Variants in TRDN observed in about 807,000 individuals in gnomAD.
TRDN encodes triadin in skeletal muscle.
A neutral mutation model predicts 149.7 loss-of-function variants in TRDN; 161 were observed. That is an observed-to-expected ratio of 1.08 (90% CI 0.95 to 1.23). The LOEUF (loss-of-function observed/expected upper bound fraction) is 1.23, where lower values mean the gene tolerates loss of function less well. Among genes scored for constraint, TRDN ranks in the 50% most tolerant of loss-of-function variants. The pLI is 0.00. For missense variants in TRDN, 896 were observed against 823.5 expected (o/e 1.09, Z -1.08); for synonymous variants, 294 against 250.5 (o/e 1.17, Z -1.64).
At chr6:123,495,900 A>T (rs1778423922) in intron 9 of TRDN, among the ~76,000 whole-genome samples, 1 of 151,940 alleles carries the variant, frequency 6.6e-6, no homozygotes, top group East Asian at 1.9e-4. Flanking sequence ...AAGACCTAAT[A>T]CTAGAAAAGG....
chr6:123,592,588 G>GA (rs137897412), intron 1 of TRDN, among the ~76,000 whole-genome samples: 1,759 of 152,068 alleles, frequency 0.012, 30 homozygotes, highest in African/African-American at 0.04. Flanking sequence ...ATTTTACTGG[G>GA]AAAAAAATGA....
At chr6:123,601,743 G>C (rs1784290650) in intron 1 of TRDN, among the ~76,000 whole-genome samples, 1 of 152,110 alleles carries the variant, frequency 6.6e-6, no homozygotes, top group African/African-American at 2.4e-5. Flanking sequence ...AAGCTGGCAG[G>C]TAACAAAAGA....
At chr6:123,299,432 A>G (rs1159389684) in intron 24 of TRDN, among the ~76,000 whole-genome samples, 1 of 152,072 alleles carries the variant, frequency 6.6e-6, no homozygotes, top group East Asian at 1.9e-4. Context: ...AAATGAGAAT[A>G]GAAGAGATGG....
chr6:123,496,021 C>A (rs1230728090), intron 9 of TRDN, among the ~76,000 whole-genome samples: 3 of 147,386 alleles, frequency 2.0e-5, no homozygotes, highest in African/African-American at 5.0e-5. Context: ...TATACACAAA[C>A]ATCGATATTA....
At chr6:123,483,294 G>A (rs971298062) in intron 9 of TRDN, among the ~76,000 whole-genome samples, 1 of 151,404 alleles carries the variant, frequency 6.6e-6, no homozygotes, top group East Asian at 2.0e-4. Context: ...AGTAGAGACG[G>A]GGTTTCACCG....
At chr6:123,456,523 C>T (rs1776131735) in intron 10 of TRDN, among the ~76,000 whole-genome samples, 1 of 151,768 alleles carries the variant, frequency 6.6e-6, no homozygotes, top group African/African-American at 2.4e-5. Context: ...GGCTAGAGTG[C>T]AGTCGTGGGA....
At chr6:123,378,022 T>C (rs921528692) in intron 16 of TRDN, 124 bp from the exon 17 acceptor site, 1 of 606,552 alleles carries the variant, frequency 1.6e-6, no homozygotes, top group East Asian at 2.9e-5. Flanking sequence ...CAACTAATAA[T>C]GGCTTACATA....
intron 7 of TRDN, among the ~76,000 whole-genome samples, chr6:123,508,753 C>G (rs1271793064): frequency 6.6e-6 from 1 of 152,112 alleles, no homozygotes; most frequent in Non-Finnish European, 1.5e-5. Context: ...AAGCAGTATG[C>G]AACAGAGCAA....
At chr6:123,384,617 GC>G (rs1781839588) in intron 14 of TRDN, among the ~76,000 whole-genome samples, 1 of 152,068 alleles carries the variant, frequency 6.6e-6, no homozygotes, top group East Asian at 1.9e-4. Context: ...ATTTTAATCT[GC>G]CTTTCTATTT....
rs1300040362 is a variant in TRDN, at chr6:123,473,288, A to G, written c.854-8305T>C. Among the ~76,000 whole-genome samples the G allele has an allele frequency of 3.2e-3, 491 of 152,230 alleles. 22 individuals carry two copies. The East Asian group carries it at 0.088, about 27-fold the overall frequency. On this transcript the variant is annotated intron_variant, in intron 9 of 40. Transcript: ENST00000334268. ...CTGAAAACCAAGGCTTGAGAACTAC[A>G]TGAAGAATGCAGAAGCCTCAGGAGC...
chr6:123,437,347 C>T (rs9320936), intron 12 of TRDN: 154,744 of 293,788 alleles, frequency 0.53, 43,101 homozygotes, highest in East Asian at 0.86. Flanking sequence ...AAACTTGTCA[C>T]TGTAAATTCT....
intron 1 of TRDN, among the ~76,000 whole-genome samples, chr6:123,585,351 A>T (rs1216352457): frequency 1.3e-5 from 2 of 151,988 alleles, no homozygotes; most frequent in Admixed American, 1.3e-4. Flanking sequence ...GGGGACTTTT[A>T]AGAGGTTTAG....
In TRDN at chr6:123,231,179, C is replaced by T. The variant is rs890891394; in HGVS notation, c.1976-7048G>A. Among the ~76,000 whole-genome samples the T allele has an allele frequency of 9.2e-5, 14 of 151,986 alleles. No individual in the cohort carries two copies. In the Middle Eastern group the frequency reaches 0.014, roughly 148 times the overall value. ...CACTTTGCTCTGTGCCCTGGAGGAA[C>T]CAAAAGGAAATAGGATGCTACTTAG... On this transcript the variant is annotated intron_variant, in intron 38 of 40. Coordinates refer to ENST00000334268, the MANE Select transcript of TRDN (RefSeq NM_006073.4).
At position 123,570,971 on chromosome 6, in the gene TRDN, C is replaced by A; in HGVS notation, c.184G>T (p.Ala62Ser). The change falls in exon 2 of 41, where the codon GCT (alanine) becomes TCT (serine). Residue 62 changes from alanine (A) to serine (S), a missense_variant. Transcript: ENST00000334268. ...LVIALIITWS[A>S]VAIVMFDLVD... ...AAATCAAACATAACGATGGCAACAGCTGACCACGTGATTATCAGGGCAATG... is the reference window on the plus strand; with the variant it reads ...AAATCAAACATAACGATGGCAACAGATGACCACGTGATTATCAGGGCAATG... 1 of 1,613,990 alleles carries A rather than the reference C, an allele frequency of 6.2e-7. No individual in the cohort carries two copies. The highest frequency in any genetic ancestry group is 8.5e-7 in the Non-Finnish European group (1 of 1,179,868).
chr6:123,284,344 G>T (rs1031045610), intron 24 of TRDN, among the ~76,000 whole-genome samples: 2 of 151,836 alleles, frequency 1.3e-5, no homozygotes, highest in Admixed American at 6.6e-5. Flanking sequence ...TACTAGGGAT[G>T]CAGGGATGGT....
chr6:123,517,021 G>C (rs1251831034), intron 5 of TRDN, among the ~76,000 whole-genome samples: 5 of 152,026 alleles, frequency 3.3e-5, no homozygotes, highest in African/African-American at 9.7e-5. Flanking sequence ...ATGTGCTAAA[G>C]ACTCTCCTCA....
intron 9 of TRDN, among the ~76,000 whole-genome samples, chr6:123,467,816 G>A (rs4613836): frequency 0.16 from 24,923 of 151,870 alleles, 2,212 homozygotes; most frequent in South Asian, 0.28. Context: ...TATTAAATGT[G>A]ATATTATATT....
At chr6:123,402,156 G>A (rs1328377006) in intron 12 of TRDN, among the ~76,000 whole-genome samples, 1 of 152,164 alleles carries the variant, frequency 6.6e-6, no homozygotes, top group East Asian at 1.9e-4. Context: ...TCTTCACATT[G>A]TGAGTTCCTA....
Position 123,252,368 on chromosome 6 carries a change from C to T in TRDN, c.1975+44G>A, listed in dbSNP as rs373865538. ...TATGAATTTCATCTTAAAATTGATACTATGTATCAAAGAGAACTTGTCATT... is the reference window on the plus strand; with the variant it reads ...TATGAATTTCATCTTAAAATTGATATTATGTATCAAAGAGAACTTGTCATT... On this transcript the variant is annotated intron_variant, in intron 38 of 40. Coordinates refer to ENST00000334268, the MANE Select transcript of TRDN (RefSeq NM_006073.4). The T allele has an allele frequency of 2.5e-5, 31 of 1,237,398 alleles. No homozygotes were observed. In the African/African-American group the frequency reaches 4.0e-4, roughly 16 times the overall value. 76.7% of individuals were successfully genotyped at this position (1,237,398 alleles called of 1,614,324 possible). A position where few individuals can be genotyped will look rare whatever the true frequency, so the allele number is the denominator to read the frequency against.
Sources: allele counts gnomAD v4.1 joint callset (sites outside exome capture counted in the v4.1 genomes callset), GRCh38; gene constraint gnomAD v4.1.1; transcripts MANE v1.5; gene names NCBI Gene and HGNC (gene_info 2026-07-23, HGNC 2026-07-21).